PAK5: variants seen among roughly 807,000 people sequenced by gnomAD.
PAK5 encodes the protein p21 (RAC1) activated kinase 5, also known as serine/threonine-protein kinase PAK 5.
PAK5 carries 16 observed loss-of-function variants against 65.9 expected under a neutral mutation model. That is an observed-to-expected ratio of 0.24 (90% CI 0.16 to 0.37). The LOEUF (loss-of-function observed/expected upper bound fraction) is 0.37. Ranked by LOEUF, PAK5 falls within the 10% of genes least tolerant of loss-of-function variation. PAK5 has a pLI of 1.00. For missense variants in PAK5, 785 were observed against 903.9 expected (o/e 0.87, Z 1.69); for synonymous variants, 371 against 354.9 (o/e 1.05, Z -0.51).
chr20:9,793,343 T>A (rs376041455), intron 1 of PAK5, among the ~76,000 whole-genome samples: 25 of 152,274 alleles, frequency 1.6e-4, no homozygotes, highest in Admixed American at 9.2e-4. Flanking sequence ...ATAGTATCAA[T>A]GTATGCTGTT....
At chr20:9,564,719 G>A (rs113250654) in intron 5 of PAK5, among the ~76,000 whole-genome samples, 127 of 152,160 alleles carry the variant, frequency 8.3e-4, no homozygotes, top group African/African-American at 2.6e-3. Context: ...TGAAGCCAAA[G>A]ACTTATGTGT....
intron 3 of PAK5, among the ~76,000 whole-genome samples, chr20:9,635,255 G>A (rs2046969664): frequency 6.6e-6 from 1 of 152,096 alleles, no homozygotes; most frequent in Non-Finnish European, 1.5e-5. Flanking sequence ...ACACCTGCAG[G>A]ATTACATATT....
At position 9,580,551 on chromosome 20, in the gene PAK5, A is replaced by G. The variant is rs2123014469; in HGVS notation, c.584T>C (p.Phe195Ser). ...CAAATGTGAGTGATAATCGGCAGAA[A>G]ATCTGGCAAAATCGGATTTCAAAGG... is the stretch of plus-strand genomic sequence containing the variant. ...VKPLKSDFAR[F>S]SADYHSHLDS... The change falls in exon 4 of 10, where the codon TTT becomes TCT. Residue 195 changes from phenylalanine to serine, a missense_variant. Around this residue, in one of 4 missense-constraint regions of PAK5, gnomAD observed 422 missense variants for 413.3 expected, o/e 1.02. Coordinates refer to ENST00000353224, the MANE Select transcript of PAK5 (RefSeq NM_177990.4). The G allele has an allele frequency of 6.2e-7, 1 of 1,614,068 alleles. No homozygotes were observed.
At chr20:9,719,293 A>G (rs1569057351) in intron 1 of PAK5, among the ~76,000 whole-genome samples, 1 of 152,206 alleles carries the variant, frequency 6.6e-6, no homozygotes, top group Non-Finnish European at 1.5e-5. Flanking sequence ...CTCTAGAGAA[A>G]ATTCTCAGAG....
rs558576318 is a variant in PAK5 at position 9,766,469 on chromosome 20, ATATATG to A, written c.-161-55040_-161-55035del. 2.8e-3 allele frequency among the ~76,000 whole-genome samples: 175 copies of A among 62,910 alleles called. 9 individuals carry two copies. The highest frequency in any genetic ancestry group is 0.016 in the African/African-American group (161 of 10,184). The allele number at this position is 62,910 out of a possible 152,430, so 41.3% of individuals were successfully genotyped here. ...ATGTATATATATATTCAAGCAGAATATATATGTATATATATATTCAAGCAGAATATA... is the reference window on the plus strand; with the variant it reads ...ATGTATATATATATTCAAGCAGAATATATATATATATTCAAGCAGAATATA... On this transcript the variant is annotated intron_variant, in intron 1 of 9. Transcript: ENST00000353224.
intron 2 of PAK5, among the ~76,000 whole-genome samples, chr20:9,686,164 A>C (rs1012980186): frequency 6.6e-6 from 1 of 152,188 alleles, no homozygotes; most frequent in Non-Finnish European, 1.5e-5. Context: ...CCAGTGTAAT[A>C]AACAGGAAAA....
intron 1 of PAK5, among the ~76,000 whole-genome samples, chr20:9,827,088 C>A (rs1345405594): frequency 6.6e-6 from 1 of 152,100 alleles, no homozygotes; most frequent in East Asian, 1.9e-4. Flanking sequence ...AGGGTTTAAT[C>A]TTTCTCTCTA....
At chr20:9,802,713 A>G (rs1380988007) in intron 1 of PAK5, among the ~76,000 whole-genome samples, 1 of 151,588 alleles carries the variant, frequency 6.6e-6, no homozygotes, top group Non-Finnish European at 1.5e-5. Flanking sequence ...GGCATTGGAC[A>G]GGGGTGGGAA....
intron 2 of PAK5, 47 bp from the exon 3 acceptor site, chr20:9,644,386 CAGA>C: frequency 1.6e-6 from 2 of 1,246,186 alleles, no homozygotes; most frequent in South Asian, 2.5e-5. Context: ...ATCTTGCCAG[CAGA>C]AGACCAGGAG....
At chr20:9,643,990 A>C in intron 3 of PAK5, 135 bp downstream of exon 3, 1 of 674,460 alleles carries the variant, frequency 1.5e-6, no homozygotes, top group Non-Finnish European at 2.5e-6. Context: ...ATCATGAAAG[A>C]ATAATTGTGA....
chr20:9,566,057 C>A lies in PAK5; in HGVS notation c.1318G>T (p.Val440Phe), dbSNP rs1038104072. Residue 440 changes from valine to phenylalanine, a missense_variant, in exon 5 of 10, where the codon GTC (valine) becomes TTC (phenylalanine). Physicochemically the swap from Val to Phe is conservative, Grantham distance 50. Transcript: ENST00000353224. ...TATTCCCTGGGGTCTCCTGGGCTGA[C>A]CACCAGCTGCAGGGCCGCCCGAAAC... Reference protein sequence around the residue: ...EQFRAALQLVVSPGDPREYLA... With the variant: ...EQFRAALQLVFSPGDPREYLA... 1 of 1,613,940 alleles carries A rather than the reference C, an allele frequency of 6.2e-7. No homozygotes were observed. The highest frequency in any genetic ancestry group is 8.5e-7 in the Non-Finnish European group (1 of 1,179,996).
chr20:9,799,383 G>GA (rs2049141899), intron 1 of PAK5, among the ~76,000 whole-genome samples: 1 of 152,088 alleles, frequency 6.6e-6, no homozygotes, highest in Non-Finnish European at 1.5e-5. Flanking sequence ...TCCCTAAAAT[G>GA]AAATGTACAT....
intron 1 of PAK5, among the ~76,000 whole-genome samples, chr20:9,821,699 A>G (rs1030793115): frequency 7.2e-5 from 11 of 152,356 alleles, no homozygotes; most frequent in African/African-American, 2.4e-4. Context: ...TTTATCACTC[A>G]GTTAAAATTC....
chr20:9,615,379 G>T (rs1368613031), intron 3 of PAK5, among the ~76,000 whole-genome samples: 4 of 152,194 alleles, frequency 2.6e-5, no homozygotes, highest in Non-Finnish European at 5.9e-5. Context: ...TGCCACTTTG[G>T]TAGAGAATGT....
At chr20:9,678,483 C>T (rs1417036596) in intron 2 of PAK5, among the ~76,000 whole-genome samples, 2 of 152,260 alleles carry the variant, frequency 1.3e-5, no homozygotes, top group Non-Finnish European at 2.9e-5. Flanking sequence ...AGAAGAATGG[C>T]GTGAACCCAG....
intron 4 of PAK5, among the ~76,000 whole-genome samples, chr20:9,579,495 C>T (rs1189046690): frequency 1.3e-5 from 2 of 152,060 alleles, no homozygotes; most frequent in African/African-American, 4.8e-5. Context: ...GAGCTGCTAA[C>T]ATTTAAACAA....
At chr20:9,621,026 CAG>C (rs1349014446) in intron 3 of PAK5, among the ~76,000 whole-genome samples, 10 of 151,500 alleles carry the variant, frequency 6.6e-5, no homozygotes, top group Admixed American at 6.6e-4. Context: ...CCCAACAAAA[CAG>C]AGCTACCGGA....
chr20:9,709,565 T>C (rs1569052429), intron 2 of PAK5, among the ~76,000 whole-genome samples: 1 of 152,164 alleles, frequency 6.6e-6, no homozygotes, highest in Non-Finnish European at 1.5e-5. Flanking sequence ...TGTGAACTTG[T>C]AGAGTCTCAT....
intron 3 of PAK5, among the ~76,000 whole-genome samples, chr20:9,616,547 C>T (rs1394813242): frequency 2.0e-5 from 3 of 152,166 alleles, no homozygotes; most frequent in East Asian, 1.9e-4. Flanking sequence ...GGGCATCTTG[C>T]GAAAATAGAT....
Sources: allele counts gnomAD v4.1 joint callset (sites outside exome capture counted in the v4.1 genomes callset), GRCh38; gene constraint gnomAD v4.1.1; regional missense constraint gnomAD v4.1.1; transcripts MANE v1.5; gene names NCBI Gene and HGNC (gene_info 2026-07-23, HGNC 2026-07-21).